The following ERF variants were observed in gnomAD, a reference collection of about 807,000 sequenced individuals.
ERF encodes the protein ETS2 repressor factor.
In ERF, 10 loss-of-function variants were observed where a neutral mutation model predicts 41.6. The observed-to-expected ratio is 0.24, with a 90% CI of 0.15 to 0.41. The LOEUF is 0.41. Ranked by LOEUF, ERF falls within the 10% of genes least tolerant of loss-of-function variation. ERF has a pLI of 1.00. For synonymous variants in ERF, 395 were observed against 342.4 expected (o/e 1.15, Z -1.70); for missense variants, 621 against 763.2 (o/e 0.81, Z 2.19).
chr19:42,250,340 CG>C lies in ERF; in HGVS notation c.247del (p.Arg83GlyfsTer188). Reference protein sequence around the residue: ...KPQMNYDKLSRALRYYYNKRI... With the variant: ...KPQMNYDKLSXALRYYYNKRI... Reference sequence around the variant, plus strand: ...CCCAGCCCGTCCTCACCGCAGGGCCCGGCTCAGCTTGTCGTAATTCATCTGG... The same window carrying C: ...CCCAGCCCGTCCTCACCGCAGGGCCCGCTCAGCTTGTCGTAATTCATCTGG... On this transcript the variant is annotated frameshift_variant, in exon 2 of 4. Coordinates refer to ENST00000222329, the MANE Select transcript of ERF (RefSeq NM_006494.4). LOFTEE classifies it high-confidence loss of function. The surrounding 1 kb of genome is among the most constrained non-coding windows in gnomAD (Gnocchi z 5.1). The C allele has an allele frequency of 6.2e-7, 1 of 1,613,986 alleles. No homozygotes were observed.
Position 42,248,435 on chromosome 19 carries a change from C to A in ERF, c.*30G>T. On this transcript the variant is annotated 3_prime_UTR_variant, in exon 4 of 4. Coordinates refer to ENST00000222329, the MANE Select transcript of ERF (RefSeq NM_006494.4). This position sits in a 1 kb window ranked among gnomAD's most constrained non-coding sequence, Gnocchi z 4.2. ...GGCAGCAAAAGAAGCATGGGGGGTG[C>A]GGGGCACACAGGTCCCCTGCCCACA... is the stretch of plus-strand genomic sequence containing the variant. 24 of 1,449,632 alleles carry A rather than the reference C, an allele frequency of 1.7e-5. No homozygotes were observed. The highest frequency in any genetic ancestry group is 2.1e-5 in the Non-Finnish European group (23 of 1,101,202). 89.8% of individuals were successfully genotyped at this position (1,449,632 alleles called of 1,614,324 possible).
chr19:42,251,300 C>G, intron 1 of ERF: 1 of 986,178 alleles, frequency 1.0e-6, no homozygotes, highest in Non-Finnish European at 1.2e-6. Flanking sequence ...CTTGAGCAGG[C>G]ACCCTGGAGC....
Position 42,249,600 on chromosome 19 carries a change from G to A in ERF, c.512C>T (p.Ser171Phe). 1 of 1,613,616 alleles carries A rather than the reference G, an allele frequency of 6.2e-7. No homozygotes were observed. Among genetic ancestry groups the A allele is most frequent in the Non-Finnish European group, 8.5e-7 (1 of 1,179,872 alleles). ...GCGGGCCACCACAGCCGAGAAGAGG[G>A]AAGATGAAGATGAAGAGCAGGCTGG... ...SPPACSSSSS[S>F]LFSAVVARRL... The change falls in exon 4 of 4, where the codon TCC becomes TTC. Residue 171 changes from serine to phenylalanine, a missense_variant. By Grantham distance (155) the Ser-to-Phe change is radical. Around this residue, in one of 3 missense-constraint regions of ERF, gnomAD observed 569 missense variants for 625.5 expected, o/e 0.91. Coordinates refer to ENST00000222329, the MANE Select transcript of ERF (RefSeq NM_006494.4). The surrounding 1 kb of genome is among the most constrained non-coding windows in gnomAD (Gnocchi z 8.6).
At chr19:42,252,236 T>C (rs547990917) in intron 1 of ERF, among the ~76,000 whole-genome samples, 2 of 152,156 alleles carry the variant, frequency 1.3e-5, no homozygotes, top group East Asian at 3.9e-4. Flanking sequence ...GGAACCAAGC[T>C]CCATGTTACT....
intron 1 of ERF, among the ~76,000 whole-genome samples, chr19:42,252,153 G>C (rs984622978): frequency 1.3e-5 from 2 of 152,160 alleles, no homozygotes; most frequent in Non-Finnish European, 2.9e-5. Context: ...AGGGTCCTTT[G>C]GAACCCAGGT....
intron 1 of ERF, chr19:42,253,872 G>T (rs1302446007): frequency 6.5e-6 from 7 of 1,076,334 alleles, no homozygotes; most frequent in Non-Finnish European, 7.9e-6. Flanking sequence ...CGCCGCCGCC[G>T]CCGCCGCCGC....
intron 1 of ERF, among the ~76,000 whole-genome samples, chr19:42,254,292 G>A (rs1409365911): frequency 6.6e-6 from 1 of 151,978 alleles, no homozygotes; most frequent in Non-Finnish European, 1.5e-5. Context: ...GGCCACCGGT[G>A]GCGCGGGAGG....
Position 42,249,056 on chromosome 19 carries a change from G to A in ERF, c.1056C>T (p.Pro352=). 6.2e-7 allele frequency: 1 copy of A among 1,612,762 alleles called. No individual in the cohort carries two copies. Among genetic ancestry groups the A allele is most frequent in the Non-Finnish European group, 8.5e-7 (1 of 1,179,426 alleles). The stretch of plus-strand genomic sequence containing the variant: ...GGACCGGTGGGGTCTCGGGTGCCAT[G>A]GGCGGCAGCGGGCACTTGTCAGGGC... ...PQRPDKCPLP[P]MAPETPPVPS... Residue 352 remains proline (P), a synonymous_variant, in exon 4 of 4, where the codon CCC becomes CCT. Coordinates refer to ENST00000222329, the MANE Select transcript of ERF (RefSeq NM_006494.4). The surrounding 1 kb of genome is among the most constrained non-coding windows in gnomAD (Gnocchi z 8.6).
chr19:42,250,806 G>GAAACCGTGA lies in ERF; in HGVS notation c.23-242_23-241insTCACGGTTT, dbSNP rs1166534463. On this transcript the variant is annotated intron_variant, in intron 1 of 3. Transcript: ENST00000222329. This position sits in a 1 kb window ranked among gnomAD's most constrained non-coding sequence, Gnocchi z 5.1. ...GCTCCAGCGACACCGGGAGAAACAG[G>GAAACCGTGA]AAACCGTCGGCGGTGGGTCCCGGGG... 6.6e-6 allele frequency among the ~76,000 whole-genome samples: 1 copy of GAAACCGTGA among 152,176 alleles called. No homozygotes were observed. Among genetic ancestry groups the GAAACCGTGA allele is most frequent in the Non-Finnish European group, 1.5e-5 (1 of 68,024 alleles).
intron 1 of ERF, 195 bp downstream of exon 1, chr19:42,254,783 C>G (rs992301751): frequency 1.4e-5 from 8 of 555,012 alleles, no homozygotes; most frequent in Non-Finnish European, 2.4e-5. Flanking sequence ...CCACTCCGCC[C>G]GGAGCCAGGA....
rs771237144 is a variant in ERF at position 42,249,751 on chromosome 19, A to G, written c.374-13T>C. ...GGCACTGCACCCCCTGGCAGAAGGGAGACAGTGTCAAGGCCCCTGGCCTAG... is the reference window on the plus strand; with the variant it reads ...GGCACTGCACCCCCTGGCAGAAGGGGGACAGTGTCAAGGCCCCTGGCCTAG... On this transcript the variant is annotated splice_polypyrimidine_tract_variant and intron_variant, in intron 3 of 3. Transcript: ENST00000222329. The surrounding 1 kb of genome is among the most constrained non-coding windows in gnomAD (Gnocchi z 8.6). 6 of 1,609,770 alleles carry G rather than the reference A, an allele frequency of 3.7e-6. No individual in the cohort carries two copies. The highest frequency in any genetic ancestry group is 5.1e-6 in the Non-Finnish European group (6 of 1,176,848).
chr19:42,254,849 G>C, intron 1 of ERF, 129 bp downstream of exon 1: 1 of 1,110,594 alleles, frequency 9.0e-7, no homozygotes, highest in South Asian at 1.8e-5. Flanking sequence ...CAGGTCTCCA[G>C]TGCTTGAGGG....
At chr19:42,253,067 G>A (rs2036470952) in intron 1 of ERF, among the ~76,000 whole-genome samples, 1 of 152,180 alleles carries the variant, frequency 6.6e-6, no homozygotes, top group South Asian at 2.1e-4. Context: ...ACAGAGGCGG[G>A]GTAGGGATTC....
At chr19:42,251,562 A>C (rs1308659357) in intron 1 of ERF, 1 of 182,720 alleles carries the variant, frequency 5.5e-6, no homozygotes. Context: ...AAAGGGGAGG[A>C]AGGGAAGGAG....
At position 42,250,285 on chromosome 19, in the gene ERF, G is replaced by C; in HGVS notation, c.257+46C>G. On this transcript the variant is annotated intron_variant, in intron 2 of 3. Coordinates refer to ENST00000222329, the MANE Select transcript of ERF (RefSeq NM_006494.4). The surrounding 1 kb of genome is among the most constrained non-coding windows in gnomAD (Gnocchi z 5.1). ...CACAGGCAAGGGGCTGTGCAACCCC[G>C]GGGGGGCACTCCACATGTGCTCAGG... 5.0e-6 allele frequency: 8 copies of C among 1,584,694 alleles called. No individual in the cohort carries two copies. Among genetic ancestry groups the C allele is most frequent in the Non-Finnish European group, 6.9e-6 (8 of 1,160,124 alleles).
chr19:42,252,643 A>G (rs2036462885), intron 1 of ERF, among the ~76,000 whole-genome samples: 1 of 152,046 alleles, frequency 6.6e-6, no homozygotes, highest in Non-Finnish European at 1.5e-5. Context: ...CACTTCTGGC[A>G]GGGACCCTTC....
intron 1 of ERF, chr19:42,253,851 G>C: frequency 1.9e-6 from 2 of 1,068,524 alleles, no homozygotes; most frequent in Non-Finnish European, 2.3e-6. Flanking sequence ...CCCGCACACA[G>C]GAGCCCGAGC....
rs771732024 is a variant in ERF at position 42,248,414 on chromosome 19, G to C, written c.*51C>G. 8 of 1,414,298 alleles carry C rather than the reference G, an allele frequency of 5.7e-6. No homozygotes were observed. Among genetic ancestry groups the C allele is most frequent in the Non-Finnish European group, 6.5e-6 (7 of 1,083,710 alleles). 87.6% of individuals were successfully genotyped at this position (1,414,298 alleles called of 1,614,324 possible). On this transcript the variant is annotated 3_prime_UTR_variant, in exon 4 of 4. Transcript: ENST00000222329. This position sits in a 1 kb window ranked among gnomAD's most constrained non-coding sequence, Gnocchi z 4.2. ...TCCAGGGCATAGGGGGCTTAAGGCA[G>C]CAAAAGAAGCATGGGGGGTGCGGGG...
chr19:42,248,697 G>C lies in ERF; in HGVS notation c.1415C>G (p.Pro472Arg). The change falls in exon 4 of 4, where the codon CCC becomes CGC. Residue 472 changes from proline to arginine, a missense_variant. Around this residue, in one of 3 missense-constraint regions of ERF, gnomAD observed 569 missense variants for 625.5 expected, o/e 0.91. Transcript: ENST00000222329. This position sits in a 1 kb window ranked among gnomAD's most constrained non-coding sequence, Gnocchi z 4.2. ...APPKPEPGEA[P>R]GASQCMPLKL... ...GAGGGGCATGCACTGGGATGCCCCG[G>C]GTGCCTCGCCGGGCTCAGGCTTAGG... The C allele has an allele frequency of 6.2e-7, 1 of 1,611,530 alleles. No homozygotes were observed. The highest frequency in any genetic ancestry group is 8.5e-7 in the Non-Finnish European group (1 of 1,178,278).
Sources: allele counts gnomAD v4.1 joint callset (sites outside exome capture counted in the v4.1 genomes callset), GRCh38; gene constraint gnomAD v4.1.1; regional missense constraint gnomAD v4.1.1; non-coding constraint Gnocchi (gnomAD v3.1); transcripts MANE v1.5; gene names NCBI Gene and HGNC (gene_info 2026-07-23, HGNC 2026-07-21).